The following FBXO15 variants were observed in gnomAD, a reference collection of about 807,000 sequenced individuals.
The protein encoded by FBXO15 is F-box protein 15.
A neutral mutation model predicts 49.5 loss-of-function variants in FBXO15; 30 were observed. The observed-to-expected ratio is 0.61, with a 90% confidence interval of 0.45 to 0.82. FBXO15 has a LOEUF of 0.82. Among genes scored for constraint, FBXO15 ranks in the 40% least tolerant of loss-of-function variants. The pLI is 0.00. For synonymous variants in FBXO15, 250 were observed against 232.7 expected, an observed-to-expected ratio of 1.07 and a Z score of -0.68; for missense variants, 591 against 631.5, an observed-to-expected ratio of 0.94 and a Z score of 0.69.
At chr18:74,123,639 G>T in intron 7 of FBXO15, 129 bp from the exon 8 acceptor site, 2 of 996,530 alleles carry the variant, frequency 2.0e-6, no homozygotes, top group Non-Finnish European at 2.9e-6. Context: ...AACTCCATAG[G>T]ATTCCCTATA....
chr18:74,091,915 G>T (rs1913045005), intron 8 of FBXO15, among the ~76,000 whole-genome samples: 1 of 152,138 alleles, frequency 6.6e-6, no homozygotes, highest in African/African-American at 2.4e-5. Flanking sequence ...TCCTGAATTT[G>T]AATGTTGGCC....
chr18:74,140,343 G>T lies in FBXO15; in HGVS notation c.117-31C>A, dbSNP rs183168282. On this transcript the variant is annotated intron_variant, in intron 1 of 9. Transcript: ENST00000419743. ...AGTAAATGTGGGAAATTCAAATTAT[G>T]TAATTACCAAATGAGGTGAATTATC... The T allele has an allele frequency of 1.4e-5, 21 of 1,526,522 alleles. No individual in the cohort carries two copies. The African/African-American group carries it at 2.6e-4, about 19-fold the overall frequency. 94.6% of individuals were successfully genotyped at this position (1,526,522 alleles called of 1,614,324 possible). A position where few individuals can be genotyped will look rare whatever the true frequency, so the allele number is the denominator to read the frequency against.
chr18:74,101,535 T>C (rs1226359007), intron 8 of FBXO15, among the ~76,000 whole-genome samples: 1 of 152,044 alleles, frequency 6.6e-6, no homozygotes, highest in Non-Finnish European at 1.5e-5. Flanking sequence ...AATGACCATA[T>C]TGCCAAAAGC....
chr18:74,087,341 T>C (rs1357704518), intron 8 of FBXO15, among the ~76,000 whole-genome samples: 2 of 152,312 alleles, frequency 1.3e-5, no homozygotes, highest in Non-Finnish European at 1.5e-5. Flanking sequence ...ACCCAAGTAA[T>C]AAGCATAGTA....
chr18:74,125,090 C>T (rs1463664954), intron 6 of FBXO15, among the ~76,000 whole-genome samples: 1 of 152,108 alleles, frequency 6.6e-6, no homozygotes, highest in Admixed American at 6.5e-5. Context: ...TCCATTTCTC[C>T]CCAGATTCAC....
intron 8 of FBXO15, among the ~76,000 whole-genome samples, chr18:74,084,005 G>A (rs1450594230): frequency 2.0e-5 from 3 of 152,144 alleles, no homozygotes; most frequent in Non-Finnish European, 2.9e-5. Context: ...ACAGTAACTC[G>A]CCCAAGGTCA....
At chr18:74,108,145 A>G (rs1290316072) in intron 8 of FBXO15, among the ~76,000 whole-genome samples, 2 of 152,196 alleles carry the variant, frequency 1.3e-5, no homozygotes, top group Admixed American at 6.5e-5. Context: ...AAAAATTACA[A>G]GGCATACTAA....
At chr18:74,085,541 C>T (rs1026168499) in intron 8 of FBXO15, among the ~76,000 whole-genome samples, 2 of 152,046 alleles carry the variant, frequency 1.3e-5, no homozygotes, top group East Asian at 1.9e-4. Context: ...TGCAGTGAGC[C>T]GAGATCGCAC....
intron 8 of FBXO15, among the ~76,000 whole-genome samples, chr18:74,085,284 G>T (rs547370492): frequency 1.3e-5 from 2 of 152,252 alleles, no homozygotes; most frequent in East Asian, 3.9e-4. Flanking sequence ...TCAAGACAGT[G>T]TGGGATTATT....
intron 9 of FBXO15, among the ~76,000 whole-genome samples, chr18:74,077,682 G>A (rs1052386476): frequency 1.2e-4 from 18 of 152,196 alleles, no homozygotes; most frequent in Admixed American, 5.2e-4. Context: ...GCCTCACTGA[G>A]GCTGAGAATG....
At chr18:74,134,523 C>T (rs185898074) in intron 3 of FBXO15, among the ~76,000 whole-genome samples, 1,934 of 151,644 alleles carry the variant, frequency 0.013, 23 homozygotes, top group Non-Finnish European at 0.018. Context: ...CGCCTGCCAC[C>T]ATGCCCAGCT....
Position 74,091,579 on chromosome 18 carries a change from T to C in FBXO15, c.1139-9528A>G, listed in dbSNP as rs527369153. ...TTGAGGACCTCTTGTAAGGCAGGTC[T>C]GATGGTATCAAAATCTCTTAGCATT... On this transcript the variant is annotated intron_variant, in intron 8 of 9. Transcript: ENST00000419743. Among the ~76,000 whole-genome samples, 5 of 152,352 alleles carry C rather than the reference T, an allele frequency of 3.3e-5. No homozygotes were observed. In the East Asian group the frequency reaches 9.6e-4, roughly 29 times the overall value.
chr18:74,104,698 A>C (rs1423134756), intron 8 of FBXO15, among the ~76,000 whole-genome samples: 3 of 152,196 alleles, frequency 2.0e-5, no homozygotes, highest in African/African-American at 4.8e-5. Context: ...AAGGTCACTA[A>C]ATAATGATAA....
At chr18:74,087,896 A>G (rs1402143622) in intron 8 of FBXO15, among the ~76,000 whole-genome samples, 1 of 152,160 alleles carries the variant, frequency 6.6e-6, no homozygotes, top group Non-Finnish European at 1.5e-5. Flanking sequence ...TGAATTTTTA[A>G]TAATAGCCAT....
chr18:74,135,869 G>T lies in FBXO15; in HGVS notation c.228-3C>A. The T allele has an allele frequency of 6.2e-7, 1 of 1,600,292 alleles. No homozygotes were observed. Among genetic ancestry groups the T allele is most frequent in the Non-Finnish European group, 8.5e-7 (1 of 1,175,926 alleles). Reference sequence around the variant, plus strand: ...TCAGCAAGATTTCTGAAGGCATTCTGCAAAAACAGAAAAAGAAAAAAAAAA... The same window carrying T: ...TCAGCAAGATTTCTGAAGGCATTCTTCAAAAACAGAAAAAGAAAAAAAAAA... On this transcript the variant is annotated splice_polypyrimidine_tract_variant and splice_region_variant and intron_variant, in intron 2 of 9. Coordinates refer to ENST00000419743, the MANE Select transcript of FBXO15 (RefSeq NM_001142958.2).
intron 8 of FBXO15, among the ~76,000 whole-genome samples, chr18:74,090,916 T>C (rs1301770580): frequency 6.6e-6 from 1 of 152,132 alleles, no homozygotes; most frequent in East Asian, 1.9e-4. Flanking sequence ...CATGGCTATT[T>C]GGTCAAGTGT....
intron 8 of FBXO15, among the ~76,000 whole-genome samples, chr18:74,121,775 G>T (rs1447191221): frequency 1.3e-5 from 2 of 152,144 alleles, no homozygotes; most frequent in Non-Finnish European, 2.9e-5. Context: ...AAGGGTGGGG[G>T]CGAGGAGGAA....
chr18:74,096,109 C>T (rs528844491), intron 8 of FBXO15, among the ~76,000 whole-genome samples: 1 of 152,170 alleles, frequency 6.6e-6, no homozygotes, highest in Non-Finnish European at 1.5e-5. Flanking sequence ...AGCTTCCCCA[C>T]CATCTTGGGT....
intron 8 of FBXO15, among the ~76,000 whole-genome samples, chr18:74,101,102 A>G (rs1913497671): frequency 6.6e-6 from 1 of 152,172 alleles, no homozygotes; most frequent in African/African-American, 2.4e-5. Flanking sequence ...GGACATAACC[A>G]AAAAAGAAAA....
Sources: allele counts gnomAD v4.1 joint callset (sites outside exome capture counted in the v4.1 genomes callset), GRCh38; gene constraint gnomAD v4.1.1; transcripts MANE v1.5; gene names NCBI Gene and HGNC (gene_info 2026-07-23, HGNC 2026-07-21).